TRPC6: variants seen among roughly 807,000 people sequenced by gnomAD.
The protein encoded by TRPC6 is short transient receptor potential channel 6.
In TRPC6, 55 loss-of-function variants were observed where a neutral mutation model predicts 90.7. That is an observed-to-expected ratio of 0.61 (90% CI 0.49 to 0.76). The LOEUF (loss-of-function observed/expected upper bound fraction) is 0.76. TRPC6 is among the 30% of genes least tolerant of loss of function. The pLI is 0.00. For missense variants in TRPC6, 989 were observed against 1,122.7 expected (o/e 0.88, Z 1.70); for synonymous variants, 393 against 393.0 (o/e 1.00, Z 0.00).
chr11:101,534,239 G>A (rs1860980714), intron 1 of TRPC6, among the ~76,000 whole-genome samples: 1 of 152,140 alleles, frequency 6.6e-6, no homozygotes, highest in African/African-American at 2.4e-5. Context: ...TGGTTCAAGA[G>A]ATTTTGCTAC....
At chr11:101,491,833 ATTCT>A (rs1859824285) in intron 2 of TRPC6, 95 bp from the exon 3 acceptor site, 25 of 778,524 alleles carry the variant, frequency 3.2e-5, no homozygotes, top group Non-Finnish European at 3.6e-5. Flanking sequence ...TAAGAGAAAC[ATTCT>A]TTTTTTTTTT....
At chr11:101,556,334 A>T (rs1453687688) in intron 1 of TRPC6, among the ~76,000 whole-genome samples, 1 of 152,122 alleles carries the variant, frequency 6.6e-6, no homozygotes, top group East Asian at 1.9e-4. Flanking sequence ...CTAAGAAAAA[A>T]AAATAGAGAT....
At chr11:101,473,907 T>G (rs1200734246) in intron 6 of TRPC6, 134 bp from the exon 7 acceptor site, 4 of 1,196,676 alleles carry the variant, frequency 3.3e-6, no homozygotes, top group Non-Finnish European at 4.7e-6. Flanking sequence ...CTTAAAGGGC[T>G]TCTTAAGTGT....
chr11:101,509,084 A>G (rs1591098542), intron 1 of TRPC6, among the ~76,000 whole-genome samples: 1 of 45,172 alleles, frequency 2.2e-5, no homozygotes, highest in African/African-American at 1.2e-4. Flanking sequence ...AAGACCCATG[A>G]AAAAAAGGCA....
chr11:101,500,267 G>A (rs1482069667), intron 2 of TRPC6, among the ~76,000 whole-genome samples: 1 of 146,952 alleles, frequency 6.8e-6, no homozygotes. Context: ...GGAGTGCGGT[G>A]GCGCAATCTC....
At chr11:101,543,815 T>A (rs7128797) in intron 1 of TRPC6, among the ~76,000 whole-genome samples, 1 of 151,860 alleles carries the variant, frequency 6.6e-6, no homozygotes, top group South Asian at 2.1e-4. Flanking sequence ...ATTTAGGACA[T>A]AGGCATGGGC....
intron 1 of TRPC6, among the ~76,000 whole-genome samples, chr11:101,537,452 A>T (rs530899793): frequency 6.6e-6 from 1 of 152,036 alleles, no homozygotes; most frequent in East Asian, 1.9e-4. Flanking sequence ...GGCCATATAC[A>T]CTATACTCTC....
chr11:101,569,138 C>G (rs1379081473), intron 1 of TRPC6, among the ~76,000 whole-genome samples: 1 of 148,236 alleles, frequency 6.7e-6, no homozygotes, highest in Non-Finnish European at 1.5e-5. Context: ...AAGACACACA[C>G]ATAAGCTCAA....
rs1862254721 is a variant in TRPC6, at chr11:101,583,571, C to T, written c.-68G>A. On this transcript the variant is annotated 5_prime_UTR_variant, in exon 1 of 13. Transcript: ENST00000344327. ...CCGAGTGGGCAGTTCCAGCGGGGAC[C>T]CGGTGCGGAGGGTTCGCGTCAGCGG... 2.9e-6 allele frequency: 4 copies of T among 1,397,794 alleles called. No homozygotes were observed. The highest frequency in any genetic ancestry group is 3.7e-6 in the Non-Finnish European group (4 of 1,079,988). 86.6% of individuals were successfully genotyped at this position (1,397,794 alleles called of 1,614,324 possible). A position where few individuals can be genotyped will look rare whatever the true frequency, so the allele number is the denominator to read the frequency against.
intron 1 of TRPC6, among the ~76,000 whole-genome samples, chr11:101,569,735 A>G (rs1364209878): frequency 3.9e-5 from 6 of 152,186 alleles, no homozygotes; most frequent in Admixed American, 3.9e-4. Context: ...CCACACAACT[A>G]CATAGAAACT....
rs537199827 is a variant in TRPC6 at position 101,475,902 on chromosome 11, A to G, written c.1744+399T>C. Among the ~76,000 whole-genome samples the G allele has an allele frequency of 7.1e-4, 107 of 151,100 alleles. 1 individual carries two copies. The South Asian group carries it at 8.0e-3, about 11-fold the overall frequency. On this transcript the variant is annotated intron_variant, in intron 6 of 12. Transcript: ENST00000344327. ...TACATATATACACGTGTGTGCATATATACACACACGTGTATATATACATAT... is the reference window on the plus strand; with the variant it reads ...TACATATATACACGTGTGTGCATATGTACACACACGTGTATATATACATAT...
chr11:101,486,918 A>G (rs1253210925), intron 4 of TRPC6, among the ~76,000 whole-genome samples: 1 of 152,202 alleles, frequency 6.6e-6, no homozygotes, highest in Non-Finnish European at 1.5e-5. Context: ...AGATAAAAAC[A>G]GTAAAATAGG....
chr11:101,473,443 A>G, intron 7 of TRPC6, 66 bp downstream of exon 7: 1 of 1,568,054 alleles, frequency 6.4e-7, no homozygotes, highest in Non-Finnish European at 8.7e-7. Flanking sequence ...GACTTACATA[A>G]ACGCTGTTAA....
chr11:101,527,490 A>T (rs1056397305), intron 1 of TRPC6, among the ~76,000 whole-genome samples: 9 of 152,266 alleles, frequency 5.9e-5, no homozygotes, highest in African/African-American at 1.9e-4. Context: ...ATTTTTGATG[A>T]CACAGTTCCA....
At chr11:101,483,928 C>T (rs1472297773) in intron 4 of TRPC6, among the ~76,000 whole-genome samples, 1 of 152,122 alleles carries the variant, frequency 6.6e-6, no homozygotes, top group Non-Finnish European at 1.5e-5. Flanking sequence ...CTAAGAGGTA[C>T]AGATCTTCAC....
chr11:101,464,167 A>G (rs544144693), intron 10 of TRPC6, among the ~76,000 whole-genome samples: 1 of 152,190 alleles, frequency 6.6e-6, no homozygotes, highest in African/African-American at 2.4e-5. Flanking sequence ...ACCATTTTTT[A>G]TGATTTCTGT....
At chr11:101,539,532 T>C (rs1398235619) in intron 1 of TRPC6, among the ~76,000 whole-genome samples, 1 of 152,232 alleles carries the variant, frequency 6.6e-6, no homozygotes, top group East Asian at 1.9e-4. Flanking sequence ...TGGAGACACC[T>C]TGTCACCAAT....
intron 2 of TRPC6, among the ~76,000 whole-genome samples, chr11:101,501,508 A>C (rs1860124354): frequency 6.6e-6 from 1 of 152,004 alleles, no homozygotes; most frequent in Non-Finnish European, 1.5e-5. Flanking sequence ...GTAAGGTCCC[A>C]CTCTGCTGTA....
At position 101,504,171 on chromosome 11, in the gene TRPC6, C is replaced by A; in HGVS notation, c.798G>T (p.Ser266=). ...NDCNQKQKHD[S]FSHSRSRINA... is the part of the protein sequence containing the mutation. ...TAATCCTAGATCTGGAGTGGCTAAA[C>A]GAGTCATGCTTCTGTTTCTGGTTGC... Residue 266 remains serine (S), a synonymous_variant, in exon 2 of 13, where the codon TCG becomes TCT. Transcript: ENST00000344327. The A allele has an allele frequency of 6.2e-7, 1 of 1,614,112 alleles. No homozygotes were observed. The highest frequency in any genetic ancestry group is 8.5e-7 in the Non-Finnish European group (1 of 1,179,976).
Sources: gnomAD v4.1 joint callset for allele counts (sites outside exome capture counted in the v4.1 genomes callset) on GRCh38, gnomAD v4.1.1 for gene constraint, MANE v1.5 for transcripts, NCBI Gene and HGNC (gene_info 2026-07-23, HGNC 2026-07-21) for gene names.